EFNA3: variants seen among roughly 807,000 people sequenced by gnomAD.
EFNA3 encodes the protein ephrin A3.
Under a neutral mutation model 25.0 loss-of-function variants are expected in EFNA3, and 15 were observed. The ratio of observed to expected loss-of-function variants is 0.60; its 90% CI spans 0.40 to 0.92. The LOEUF is 0.92. EFNA3 is among the 40% of genes least tolerant of loss of function. EFNA3 has a pLI of 0.00. For missense variants in EFNA3, 298 were observed against 323.8 expected (o/e 0.92, Z 0.61); for synonymous variants, 153 against 145.6 (o/e 1.05, Z -0.37).
At chr1:155,083,691 C>T (rs1663386235) in intron 1 of EFNA3, among the ~76,000 whole-genome samples, 1 of 152,228 alleles carries the variant, frequency 6.6e-6, no homozygotes, top group Non-Finnish European at 1.5e-5. Flanking sequence ...CAAGGCCCCA[C>T]CGTGTGCAGA....
intron 1 of EFNA3, among the ~76,000 whole-genome samples, chr1:155,082,638 A>G (rs1663364357): frequency 6.6e-6 from 1 of 152,158 alleles, no homozygotes; most frequent in Admixed American, 6.5e-5. Context: ...CCTTTCTGCA[A>G]GAGAGGCGAG....
intron 1 of EFNA3, among the ~76,000 whole-genome samples, chr1:155,082,878 C>T (rs1663370867): frequency 6.6e-6 from 1 of 152,184 alleles, no homozygotes; most frequent in African/African-American, 2.4e-5. Context: ...CAAGCAGACA[C>T]GTTGGGTCTC....
chr1:155,086,277 C>T, intron 4 of EFNA3, 72 bp downstream of exon 4: 1 of 1,595,428 alleles, frequency 6.3e-7, no homozygotes, highest in South Asian at 1.1e-5. Context: ...CTGCTCACCT[C>T]GCATGCCTTC....
At position 155,086,158 on chromosome 1, in the gene EFNA3, C is replaced by T. The variant is rs143760648; in HGVS notation, c.539C>T (p.Thr180Ile). 5.0e-6 allele frequency: 8 copies of T among 1,613,694 alleles called. No individual in the cohort carries two copies. Among genetic ancestry groups the T allele is most frequent in the African/African-American group, 1.3e-5 (1 of 74,882 alleles). The change falls in exon 4 of 5, where the codon ACT becomes ATT. Residue 180 changes from threonine to isoleucine, a missense_variant. By Grantham distance (89) the Thr-to-Ile change is moderately conservative. Transcript: ENST00000368408. ...CACTCCGGGGAGAAGCCGGTCCCCA[C>T]TCTCCCCCAGTTCACCATGGGCCCC... ...TSHSGEKPVP[T>I]LPQFTMGPNV...
In EFNA3 at chr1:155,086,282, G is replaced by C. The variant is rs565311371; in HGVS notation, c.586+77G>C. Reference sequence around the variant, plus strand: ...GCCCCGGTGCCTGCTCACCTCGCATGCCTTCCCTGGGGGCACTGATACTTC... The same window carrying C: ...GCCCCGGTGCCTGCTCACCTCGCATCCCTTCCCTGGGGGCACTGATACTTC... On this transcript the variant is annotated intron_variant, in intron 4 of 4. Transcript: ENST00000368408. 94 of 1,596,770 alleles carry C rather than the reference G, an allele frequency of 5.9e-5. 1 individual carries two copies. In the African/African-American group the frequency reaches 9.6e-4, roughly 16 times the overall value.
At position 155,085,364 on chromosome 1, in the gene EFNA3, G is replaced by T; in HGVS notation, c.402G>T (p.Leu134=). 6.2e-7 allele frequency: 1 copy of T among 1,611,604 alleles called. No homozygotes were observed. The highest frequency in any genetic ancestry group is 1.1e-5 in the South Asian group (1 of 90,848). Residue 134 remains leucine (L), a synonymous_variant, in exon 2 of 5, where the codon CTG becomes CTT. Transcript: ENST00000368408. The surrounding 1 kb of genome is among the most constrained non-coding windows in gnomAD (Gnocchi z 4.4). The part of the protein sequence containing the change: ...EKFQRYSAFS[L]GYEFHAGHEY... The stretch of plus-strand genomic sequence containing the variant: ...TCCAGCGCTACAGCGCCTTCTCTCT[G>T]GGCTACGAGTTCCACGCCGGCCACG...
Position 155,086,937 on chromosome 1 carries a change from T to C in EFNA3, c.*394T>C. ...GAAGCGTGGGAGGCACCCCCATTGC[T>C]CTCCTCCAGGGGCAGAACATGGGGA... On this transcript the variant is annotated 3_prime_UTR_variant, in exon 5 of 5. Coordinates refer to ENST00000368408, the MANE Select transcript of EFNA3 (RefSeq NM_004952.5). 5.6e-6 allele frequency: 1 copy of C among 179,846 alleles called. No individual in the cohort carries two copies. Among genetic ancestry groups the C allele is most frequent in the Admixed American group, 5.8e-5 (1 of 17,156 alleles). The allele number at this position is 179,846 out of a possible 1,614,324, so 11.1% of individuals were successfully genotyped here.
At position 155,085,162 on chromosome 1, in the gene EFNA3, A is replaced by G; in HGVS notation, c.200A>G (p.Asn67Ser). The change falls in exon 2 of 5, where the codon AAC becomes AGC. Residue 67 changes from asparagine to serine, a missense_variant. Asn to Ser is a conservative substitution (Grantham distance 46). Coordinates refer to ENST00000368408, the MANE Select transcript of EFNA3 (RefSeq NM_004952.5). This position sits in a 1 kb window ranked among gnomAD's most constrained non-coding sequence, Gnocchi z 4.4. ...CTGGATATTTACTGCCCGCACTACAACAGCTCGGGGGTGGGCCCCGGGGCG... is the reference window on the plus strand; with the variant it reads ...CTGGATATTTACTGCCCGCACTACAGCAGCTCGGGGGTGGGCCCCGGGGCG... Reference protein sequence around the residue: ...DYLDIYCPHYNSSGVGPGAGP... With the variant: ...DYLDIYCPHYSSSGVGPGAGP... 1 of 1,613,096 alleles carries G rather than the reference A, an allele frequency of 6.2e-7. No individual in the cohort carries two copies. Among genetic ancestry groups the G allele is most frequent in the South Asian group, 1.1e-5 (1 of 91,076 alleles).
chr1:155,085,345 G>T lies in EFNA3; in HGVS notation c.383G>T (p.Arg128Leu), dbSNP rs1054567261. ...ATCAAGTTCTCGGAGAAGTTCCAGC[G>T]CTACAGCGCCTTCTCTCTGGGCTAC... ...SPIKFSEKFQ[R>L]YSAFSLGYEF... Residue 128 changes from arginine to leucine, a missense_variant, in exon 2 of 5, where the codon CGC (arginine) becomes CTC (leucine). By Grantham distance (102) the Arg-to-Leu change is moderately radical (BLOSUM62 -2). Transcript: ENST00000368408. The surrounding 1 kb of genome is among the most constrained non-coding windows in gnomAD (Gnocchi z 4.4). The T allele has an allele frequency of 1.9e-6, 3 of 1,612,610 alleles. No individual in the cohort carries two copies. The highest frequency in any genetic ancestry group is 2.5e-6 in the Non-Finnish European group (3 of 1,179,378).
intron 4 of EFNA3, 94 bp from the exon 5 acceptor site, chr1:155,086,319 G>T: frequency 1.3e-6 from 2 of 1,594,910 alleles, no homozygotes; most frequent in Non-Finnish European, 8.6e-7. Context: ...TACCCTGTGG[G>T]TGGTCACGTC....
At position 155,086,219 on chromosome 1, in the gene EFNA3, G is replaced by GCGC; in HGVS notation, c.586+16_586+18dup. The GCGC allele has an allele frequency of 3.1e-6, 5 of 1,613,532 alleles. No homozygotes were observed. Among genetic ancestry groups the GCGC allele is most frequent in the Non-Finnish European group, 4.2e-6 (5 of 1,179,708 alleles). On this transcript the variant is annotated intron_variant, in intron 4 of 4. Coordinates refer to ENST00000368408, the MANE Select transcript of EFNA3 (RefSeq NM_004952.5). ...TCAACGTGCTGGGTGAGTCTGCGCAGCGCCCTCTGGTGGCCACTGCTGGAA... is the reference window on the plus strand; with the variant it reads ...TCAACGTGCTGGGTGAGTCTGCGCAGCGCCGCCCTCTGGTGGCCACTGCTGGAA...
In EFNA3 at chr1:155,085,876, G is replaced by A. The variant is rs1179207194; in HGVS notation, c.443-1G>A. On this transcript the variant is annotated splice_acceptor_variant, in intron 2 of 4. Transcript: ENST00000368408. LOFTEE classifies it high-confidence loss of function. This position sits in a 1 kb window ranked among gnomAD's most constrained non-coding sequence, Gnocchi z 4.4. Reference sequence around the variant, plus strand: ...TGACTCAGGCCCGGTCTCCTCCCCAGCCACGCCCACTCACAACCTGCACTG... The same window carrying A: ...TGACTCAGGCCCGGTCTCCTCCCCAACCACGCCCACTCACAACCTGCACTG... 6.2e-7 allele frequency: 1 copy of A among 1,613,186 alleles called. No homozygotes were observed. The highest frequency in any genetic ancestry group is 8.5e-7 in the Non-Finnish European group (1 of 1,179,668).
At chr1:155,086,355 G>A in intron 4 of EFNA3, 58 bp from the exon 5 acceptor site, 1 of 1,583,204 alleles carries the variant, frequency 6.3e-7, no homozygotes, top group East Asian at 2.2e-5. Flanking sequence ...GCTGCCGCGT[G>A]CCCCTGCCCT....
rs55965191 is a variant in EFNA3 at position 155,084,991 on chromosome 1, A to G, written c.129-100A>G. On this transcript the variant is annotated intron_variant, in intron 1 of 4. Transcript: ENST00000368408. The stretch of plus-strand genomic sequence containing the variant: ...CGAGGAAGCTCGGAGGAAAAGTCGG[A>G]AGGCTACGCGGACCCTGGGGAGGGG... 4.6e-3 allele frequency: 6,345 copies of G among 1,372,012 alleles called. 246 individuals are homozygous for G. The African/African-American group carries it at 0.08, about 17-fold the overall frequency. The allele number at this position is 1,372,012 out of a possible 1,614,324, so 85.0% of individuals were successfully genotyped here.
At chr1:155,086,275 C>T (rs1352255068) in intron 4 of EFNA3, 70 bp downstream of exon 4, 8 of 1,596,264 alleles carry the variant, frequency 5.0e-6, no homozygotes, top group Non-Finnish European at 5.1e-6. Context: ...GCCTGCTCAC[C>T]TCGCATGCCT....
rs752936253 is a variant in EFNA3 at position 155,085,432 on chromosome 1, T to A, written c.442+28T>A. 9.8e-5 allele frequency: 150 copies of A among 1,526,762 alleles called. 1 individual carries two copies. In the East Asian group the frequency reaches 3.4e-3, roughly 35 times the overall value. The allele number at this position is 1,526,762 out of a possible 1,614,324, so 94.6% of individuals were successfully genotyped here. The stretch of plus-strand genomic sequence containing the variant: ...GAGTGACGGCGGCCGGGCGGGCGGG[T>A]CTGAACGCGAGAGTCTGAGTGACAG... On this transcript the variant is annotated intron_variant, in intron 2 of 4. Transcript: ENST00000368408. This position sits in a 1 kb window ranked among gnomAD's most constrained non-coding sequence, Gnocchi z 4.4.
chr1:155,082,293 C>G (rs1174174863), intron 1 of EFNA3, among the ~76,000 whole-genome samples: 2 of 152,232 alleles, frequency 1.3e-5, no homozygotes, highest in Non-Finnish European at 2.9e-5. Flanking sequence ...AACTCTGCAG[C>G]CCGGCGTCTA....
rs562467736 is a variant in EFNA3, at chr1:155,079,532, C to T, written c.128+463C>T. 2.6e-5 allele frequency among the ~76,000 whole-genome samples: 4 copies of T among 152,250 alleles called. No individual in the cohort carries two copies. Among genetic ancestry groups the T allele is most frequent in the Admixed American group, 2.0e-4 (3 of 15,304 alleles). ...GGGGTCCAGAGCTGAGGCAGGGAGT[C>T]CGACCGAGCACCTCCCTAGAAGGAA... On this transcript the variant is annotated intron_variant, in intron 1 of 4. Coordinates refer to ENST00000368408, the MANE Select transcript of EFNA3 (RefSeq NM_004952.5). The surrounding 1 kb of genome is among the most constrained non-coding windows in gnomAD (Gnocchi z 7.7).
Position 155,079,098 on chromosome 1 carries a change from G to C in EFNA3, c.128+29G>C, listed in dbSNP as rs766007712. On this transcript the variant is annotated intron_variant, in intron 1 of 4. Coordinates refer to ENST00000368408, the MANE Select transcript of EFNA3 (RefSeq NM_004952.5). The surrounding 1 kb of genome is among the most constrained non-coding windows in gnomAD (Gnocchi z 7.7). Reference sequence around the variant, plus strand: ...AGTCGGGGACCCTGGGAGTCCGCGCGTCCCGTCTCAGTGAGAGGGGGAGCC... The same window carrying C: ...AGTCGGGGACCCTGGGAGTCCGCGCCTCCCGTCTCAGTGAGAGGGGGAGCC... 9 of 1,302,712 alleles carry C rather than the reference G, an allele frequency of 6.9e-6. No individual in the cohort carries two copies. Among genetic ancestry groups the C allele is most frequent in the Non-Finnish European group, 8.8e-6 (9 of 1,017,796 alleles). 80.7% of individuals were successfully genotyped at this position (1,302,712 alleles called of 1,614,324 possible).
Sources: gnomAD v4.1 joint callset for allele counts (sites outside exome capture counted in the v4.1 genomes callset) on GRCh38, gnomAD v4.1.1 for gene constraint, Gnocchi (gnomAD v3.1) non-coding constraint, MANE v1.5 for transcripts, NCBI Gene and HGNC (gene_info 2026-07-23, HGNC 2026-07-21) for gene names.